Variants in CPNE4 observed in about 807,000 individuals in gnomAD.
CPNE4 encodes the protein copine-4.
Under a neutral mutation model 67.9 loss-of-function variants are expected in CPNE4, and 25 were observed. The ratio of observed to expected loss-of-function variants is 0.37; its 90% confidence interval spans 0.27 to 0.51. The LOEUF is 0.51. Ranked by LOEUF, CPNE4 falls within the 20% of genes least tolerant of loss-of-function variation. The pLI, the probability that CPNE4 is intolerant of heterozygous loss-of-function variation, is 0.93. For synonymous variants in CPNE4, 242 were observed against 244.9 expected (o/e 0.99, Z 0.11); for missense variants, 464 against 690.8 (o/e 0.67, Z 3.68).
chr3:131,677,260 A>G (rs2107666933), intron 6 of CPNE4, among the ~76,000 whole-genome samples: 1 of 151,082 alleles, frequency 6.6e-6, no homozygotes, highest in Non-Finnish European at 1.5e-5. Flanking sequence ...GTTTCAGGGT[A>G]CCTTTGCCCA....
At chr3:131,783,714 T>C (rs775441308) in intron 2 of CPNE4, among the ~76,000 whole-genome samples, 2 of 152,090 alleles carry the variant, frequency 1.3e-5, no homozygotes, top group Non-Finnish European at 2.9e-5. Flanking sequence ...CAGCACCATC[T>C]GACTTCAAAA....
chr3:131,963,172 G>T (rs2072235134), intron 1 of CPNE4, among the ~76,000 whole-genome samples: 1 of 152,062 alleles, frequency 6.6e-6, no homozygotes, highest in Admixed American at 6.6e-5. Context: ...CCCTCCCTCA[G>T]CCAAAGGGAA....
intron 2 of CPNE4, among the ~76,000 whole-genome samples, chr3:131,772,075 C>T (rs12635474): frequency 6.6e-6 from 1 of 152,010 alleles, no homozygotes; most frequent in African/African-American, 2.4e-5. Flanking sequence ...CAGTGAAGTT[C>T]GTGGAGGGAG....
At chr3:131,941,744 T>A (rs544035340) in intron 1 of CPNE4, among the ~76,000 whole-genome samples, 1 of 152,268 alleles carries the variant, frequency 6.6e-6, no homozygotes, top group East Asian at 1.9e-4. Context: ...TAATCATCCT[T>A]GCACAAGTTA....
At chr3:131,691,037 T>G (rs1652563241) in intron 5 of CPNE4, among the ~76,000 whole-genome samples, 1 of 152,076 alleles carries the variant, frequency 6.6e-6, no homozygotes. Context: ...TACCTATTAC[T>G]AAAACGTCAA....
intron 2 of CPNE4, among the ~76,000 whole-genome samples, chr3:131,860,928 G>C (rs1425126408): frequency 3.9e-5 from 6 of 152,174 alleles, no homozygotes; most frequent in African/African-American, 9.7e-5. Flanking sequence ...CTGGACATCA[G>C]TGCAAATGCT....
chr3:131,545,674 T>C (rs1233687823), intron 14 of CPNE4, among the ~76,000 whole-genome samples: 1 of 152,236 alleles, frequency 6.6e-6, no homozygotes, highest in Admixed American at 6.5e-5. Flanking sequence ...ATTACTGTAT[T>C]TATGATGTCT....
intron 1 of CPNE4, among the ~76,000 whole-genome samples, chr3:131,906,203 T>TC (rs1560576712): frequency 8.0e-5 from 2 of 25,112 alleles, no homozygotes; most frequent in Admixed American, 8.3e-4. Flanking sequence ...TTATTTTTTG[T>TC]TTTTTTTTGT....
chr3:131,982,169 T>C (rs143369829), intron 1 of CPNE4, among the ~76,000 whole-genome samples: 4 of 152,352 alleles, frequency 2.6e-5, no homozygotes, highest in African/African-American at 4.8e-5. Flanking sequence ...GGAACCTTGC[T>C]AAATCTACAT....
intron 2 of CPNE4, among the ~76,000 whole-genome samples, chr3:131,827,296 GA>G: frequency 6.6e-6 from 1 of 152,194 alleles, no homozygotes; most frequent in South Asian, 2.1e-4. Flanking sequence ...TGCCAGTAAT[GA>G]AAAGCTGCCT....
At chr3:131,813,413 T>C (rs1037109165) in intron 2 of CPNE4, among the ~76,000 whole-genome samples, 2 of 149,910 alleles carry the variant, frequency 1.3e-5, no homozygotes, top group African/African-American at 4.9e-5. Context: ...CAAACGTATA[T>C]ATGTATGTGT....
chr3:131,642,826 T>A (rs564481647), intron 7 of CPNE4, among the ~76,000 whole-genome samples: 26 of 152,282 alleles, frequency 1.7e-4, no homozygotes, highest in African/African-American at 6.0e-4. Flanking sequence ...CCTGCAGAAC[T>A]GTGAGTCAAT....
intron 2 of CPNE4, among the ~76,000 whole-genome samples, chr3:131,744,910 CT>C (rs1336627713): frequency 3.3e-5 from 5 of 152,144 alleles, no homozygotes; most frequent in African/African-American, 1.2e-4. Context: ...TACAGATTTT[CT>C]TGTGATCACA....
At chr3:131,698,909 C>CAAAAA (rs750798265) in intron 4 of CPNE4, among the ~76,000 whole-genome samples, 21 of 87,046 alleles carry the variant, frequency 2.4e-4, no homozygotes, top group Non-Finnish European at 3.2e-4. Context: ...GACACTGTCT[C>CAAAAA]AAAAAAAAAA....
intron 2 of CPNE4, among the ~76,000 whole-genome samples, chr3:131,743,072 C>G (rs2082395740): frequency 6.6e-6 from 1 of 152,090 alleles, no homozygotes; most frequent in Non-Finnish European, 1.5e-5. Context: ...GGAGGTGGTT[C>G]TTTAATAAAA....
At chr3:132,038,404 A>G (rs1312632721), upstream of CPNE4, among the ~76,000 whole-genome samples, 1 of 152,174 alleles carries the variant, frequency 6.6e-6, no homozygotes, top group African/African-American at 2.4e-5. Flanking sequence ...CTGTGCTACG[A>G]AAGGGCAGTT....
chr3:131,724,623 A>G (rs1398534997), intron 2 of CPNE4, among the ~76,000 whole-genome samples: 1 of 152,154 alleles, frequency 6.6e-6, no homozygotes, highest in Non-Finnish European at 1.5e-5. Context: ...ATACACACAC[A>G]TTCTGCTAGC....
At chr3:131,988,330 C>A (rs1438341108) in intron 1 of CPNE4, among the ~76,000 whole-genome samples, 1 of 152,186 alleles carries the variant, frequency 6.6e-6, no homozygotes, top group Non-Finnish European at 1.5e-5. Context: ...GGATTCTGGT[C>A]TTTGTCTTAA....
chr3:131,933,373 C>T (rs965740013), intron 1 of CPNE4, among the ~76,000 whole-genome samples: 3 of 152,020 alleles, frequency 2.0e-5, no homozygotes, highest in Non-Finnish European at 2.9e-5. Context: ...TGAGAGGCTT[C>T]GTGAAAAGTG....
Sources: gnomAD v4.1 joint callset for allele counts (sites outside exome capture counted in the v4.1 genomes callset) on GRCh38, gnomAD v4.1.1 for gene constraint, MANE v1.5 for transcripts, NCBI Gene and HGNC (gene_info 2026-07-23, HGNC 2026-07-21) for gene names.